PPEF1: variants seen among roughly 807,000 people sequenced by gnomAD.
PPEF1 encodes serine/threonine-protein phosphatase with EF-hands 1.
Under a neutral mutation model 53.3 loss-of-function variants are expected in PPEF1, and 12 were observed. That is an observed-to-expected ratio of 0.23 (90% CI 0.14 to 0.36). PPEF1 has a LOEUF of 0.36. PPEF1 is among the 10% of genes least tolerant of loss of function. The pLI, the probability that PPEF1 is intolerant of heterozygous loss-of-function variation, is 1.00. For missense variants in PPEF1, 334 were observed against 490.4 expected (o/e 0.68, Z 3.01); for synonymous variants, 165 against 176.7 (o/e 0.93, Z 0.52).
rs951445752 is a variant in PPEF1 at position 18,827,466 on chromosome X, T to C, written c.1941T>C (p.Pro647=). 2 of 1,209,787 alleles carry C rather than the reference T, an allele frequency of 1.7e-6. No individual in the cohort carries two copies. Among genetic ancestry groups the C allele is most frequent in the African/African-American group, 1.7e-5 (1 of 57,806 alleles). ...VVHRYEDLMK[P]DVTNLG is the part of the protein sequence containing the mutation. ...ATAGATATGAAGACTTGATGAAACCTGATGTCACCAACCTTGGCTAAACAC... is the reference window on the plus strand; with the variant it reads ...ATAGATATGAAGACTTGATGAAACCCGATGTCACCAACCTTGGCTAAACAC... Residue 647 remains proline (P), a synonymous_variant, in exon 16 of 16, where the codon CCT becomes CCC. Transcript: ENST00000470157.
At chrX:18,815,147 T>C (rs2046880213) in intron 12 of PPEF1, among the ~76,000 whole-genome samples, 1 of 111,935 alleles carries the variant, frequency 8.9e-6, no homozygotes. Flanking sequence ...TATGGTATAT[T>C]ACATTGGTTG....
At chrX:18,703,815 G>T (rs2147271646), upstream of PPEF1, among the ~76,000 whole-genome samples, 1 of 109,796 alleles carries the variant, frequency 9.1e-6, no homozygotes, top group Non-Finnish European at 1.9e-5. Context: ...TCTGGAAAAA[G>T]AAAATCGAAA....
chrX:18,826,627 T>C (rs1216039327), intron 15 of PPEF1, among the ~76,000 whole-genome samples: 1 of 108,591 alleles, frequency 9.2e-6, no homozygotes, highest in African/African-American at 3.4e-5. Flanking sequence ...GGGTTCTCCA[T>C]GTTGGTCAGG....
upstream of PPEF1, among the ~76,000 whole-genome samples, chrX:18,678,004 C>T (rs1469192897): frequency 9.1e-6 from 1 of 109,466 alleles, no homozygotes; most frequent in Non-Finnish European, 1.9e-5. Context: ...GCCAAACATC[C>T]TGTGGTGCCA....
At chrX:18,821,790 AGAGAGAGAGAGAG>A (rs199698102) in intron 13 of PPEF1, among the ~76,000 whole-genome samples, 2,254 of 58,740 alleles carry the variant, frequency 0.038, 82 homozygotes, top group African/African-American at 0.12. Flanking sequence ...AGAGAGAGAG[AGAGAGAGAGAGAG>A]AAAACAAATA....
At chrX:18,727,936 G>A (rs1352230112) in intron 1 of PPEF1, among the ~76,000 whole-genome samples, 1 of 111,873 alleles carries the variant, frequency 8.9e-6, no homozygotes, top group Admixed American at 9.5e-5. Context: ...TTCGCTATCC[G>A]GAAGCTCACT....
At chrX:18,682,056 G>A (rs1254974788), upstream of PPEF1, among the ~76,000 whole-genome samples, 7 of 112,764 alleles carry the variant, frequency 6.2e-5, no homozygotes, top group Non-Finnish European at 1.1e-4. Context: ...TTTATTAAAG[G>A]ACACCAGATG....
intron 6 of PPEF1, among the ~76,000 whole-genome samples, chrX:18,773,029 T>C (rs1001200250): frequency 4.4e-5 from 5 of 112,642 alleles, no homozygotes; most frequent in Non-Finnish European, 9.4e-5. Context: ...TTGTACATCA[T>C]CACTTTTGCT....
At chrX:18,739,140 A>G (rs780378439) in intron 3 of PPEF1, among the ~76,000 whole-genome samples, 2 of 112,836 alleles carry the variant, frequency 1.8e-5, no homozygotes, top group Non-Finnish European at 3.7e-5. Context: ...CAACTCATCA[A>G]AGTCCTTCTC....
intron 3 of PPEF1, among the ~76,000 whole-genome samples, chrX:18,740,569 C>G (rs2045128467): frequency 9.1e-6 from 1 of 110,272 alleles, no homozygotes; most frequent in South Asian, 3.9e-4. Context: ...GCTACCACAC[C>G]CAGCTAATTT....
intron 9 of PPEF1, among the ~76,000 whole-genome samples, chrX:18,788,516 C>T (rs1485118211): frequency 1.8e-5 from 2 of 110,444 alleles, no homozygotes; most frequent in Non-Finnish European, 3.8e-5. Context: ...ATCAGAAAGA[C>T]GTTTTGTTTT....
chrX:18,776,246 T>TGG (rs55976769), intron 6 of PPEF1, among the ~76,000 whole-genome samples: 46,399 of 104,865 alleles, frequency 0.44, 8,855 homozygotes, highest in Non-Finnish European at 0.51. Flanking sequence ...GTTGGTTGGT[T>TGG]TGTTTTAGAC....
chrX:18,698,949 C>T (rs189852236), intron 5 of PPEF1, among the ~76,000 whole-genome samples: 1 of 111,980 alleles, frequency 8.9e-6, no homozygotes, highest in Non-Finnish European at 1.9e-5. Context: ...ACTAATTCCC[C>T]TTTGGTGATT....
intron 10 of PPEF1, among the ~76,000 whole-genome samples, chrX:18,791,193 C>CT (rs1230845305): frequency 9.0e-6 from 1 of 111,498 alleles, no homozygotes; most frequent in Non-Finnish European, 1.9e-5. Context: ...CTTTCTTCTT[C>CT]TTTTTCCAGA....
At chrX:18,693,652 C>T (rs192780662) in intron 4 of PPEF1, among the ~76,000 whole-genome samples, 21 of 112,217 alleles carry the variant, frequency 1.9e-4, no homozygotes, top group African/African-American at 6.8e-4. Flanking sequence ...CCGCAACCTC[C>T]GCCTCCCGGG....
In PPEF1 at chrX:18,690,556, G is replaced by A. The variant is rs541295249; in HGVS notation, c.-425-426G>A. On this transcript the variant is annotated intron_variant, in intron 3 of 21. Coordinates refer to the PPEF1 transcript ENST00000361511. The stretch of plus-strand genomic sequence containing the variant: ...CATGCCCAGCTAATTTTTGTTTTTA[G>A]TAGAGACAGGGTTTCACCATGTTGG... Among the ~76,000 whole-genome samples, 5 of 110,795 alleles carry A rather than the reference G, an allele frequency of 4.5e-5. No individual in the cohort carries two copies. In the South Asian group the frequency reaches 1.9e-3, roughly 42 times the overall value.
intron 6 of PPEF1, among the ~76,000 whole-genome samples, chrX:18,770,045 TTC>T (rs1478960811): frequency 8.9e-6 from 1 of 111,876 alleles, no homozygotes; most frequent in Non-Finnish European, 1.9e-5. Context: ...ACTCTGGACT[TTC>T]TGTATCTGTC....
intron 1 of PPEF1, among the ~76,000 whole-genome samples, chrX:18,723,736 T>G (rs2044640689): frequency 9.1e-6 from 1 of 110,117 alleles, no homozygotes; most frequent in Non-Finnish European, 1.9e-5. Flanking sequence ...ATAGGGAATG[T>G]GAGCGGGAGA....
chrX:18,696,097 C>T (rs1213333748), intron 4 of PPEF1, among the ~76,000 whole-genome samples: 3 of 111,863 alleles, frequency 2.7e-5, no homozygotes, highest in Admixed American at 9.5e-5. Flanking sequence ...TGAAAAATTA[C>T]TTGGTATTCC....
Sources: gnomAD v4.1 joint callset for allele counts (sites outside exome capture counted in the v4.1 genomes callset) on GRCh38, gnomAD v4.1.1 for gene constraint, MANE v1.5 for transcripts, NCBI Gene and HGNC (gene_info 2026-07-23, HGNC 2026-07-21) for gene names.